MKLN1: variants seen among roughly 807,000 people sequenced by gnomAD.
MKLN1 encodes the protein muskelin 1.
In MKLN1, 18 loss-of-function variants were observed where a neutral mutation model predicts 99.0. The ratio of observed to expected loss-of-function variants is 0.18; its 90% confidence interval spans 0.13 to 0.27. MKLN1 has a LOEUF of 0.27. Among genes scored for constraint, MKLN1 ranks in the 10% least tolerant of loss-of-function variants. MKLN1 has a pLI of 1.00. For missense variants in MKLN1, 621 were observed against 875.9 expected (o/e 0.71, Z 3.67); for synonymous variants, 288 against 293.2 (o/e 0.98, Z 0.18).
At chr7:131,227,272 C>T (rs1327274810) in intron 3 of MKLN1, among the ~76,000 whole-genome samples, 2 of 152,196 alleles carry the variant, frequency 1.3e-5, no homozygotes, top group Non-Finnish European at 2.9e-5. Context: ...AACCACTCCT[C>T]CCTTTAGTTC....
chr7:131,195,767 G>A (rs569620649), intron 2 of MKLN1, among the ~76,000 whole-genome samples: 6 of 151,826 alleles, frequency 4.0e-5, no homozygotes, highest in South Asian at 2.1e-4. Context: ...CCTGGCCAAC[G>A]TGGTGAAACC....
intron 1 of MKLN1, among the ~76,000 whole-genome samples, chr7:131,348,970 A>AT (rs1006019469): frequency 8.6e-5 from 13 of 152,010 alleles, no homozygotes; most frequent in Admixed American, 2.6e-4. Flanking sequence ...TTCTGAAGGT[A>AT]TTTTTTTGAT....
intron 1 of MKLN1, among the ~76,000 whole-genome samples, chr7:131,121,224 A>AG (rs1563221621): frequency 6.6e-6 from 1 of 152,132 alleles, no homozygotes; most frequent in African/African-American, 2.4e-5. Context: ...ATGAACAGCA[A>AG]GGGGGAAATC....
At chr7:131,181,101 T>G (rs1032629190) in intron 2 of MKLN1, among the ~76,000 whole-genome samples, 21 of 152,154 alleles carry the variant, frequency 1.4e-4, no homozygotes, top group Non-Finnish European at 1.5e-5. Context: ...CACCATTATT[T>G]TCCTGCAACT....
intron 2 of MKLN1, among the ~76,000 whole-genome samples, chr7:131,193,248 G>GT (rs1034942909): frequency 1.3e-5 from 2 of 151,930 alleles, no homozygotes; most frequent in Non-Finnish European, 2.9e-5. Flanking sequence ...CAGTTTGCTT[G>GT]TTTTTTTCCT....
At chr7:131,294,201 A>G (rs1284721899) in intron 3 of MKLN1, among the ~76,000 whole-genome samples, 1 of 152,208 alleles carries the variant, frequency 6.6e-6, no homozygotes, top group Admixed American at 6.5e-5. Flanking sequence ...TTATTATTGA[A>G]TCACTGTTAA....
At chr7:131,175,233 A>T (rs1319503217) in intron 2 of MKLN1, among the ~76,000 whole-genome samples, 1 of 151,968 alleles carries the variant, frequency 6.6e-6, no homozygotes, top group Non-Finnish European at 1.5e-5. Context: ...AGAGAGAGAT[A>T]GAATGGATGG....
At chr7:131,361,075 T>C (rs1310605818) in intron 1 of MKLN1, among the ~76,000 whole-genome samples, 1 of 152,052 alleles carries the variant, frequency 6.6e-6, no homozygotes, top group Admixed American at 6.5e-5. Context: ...TCTTTGGTTT[T>C]CTGCAGTTTG....
chr7:131,400,916 A>G (rs1055622572), intron 6 of MKLN1, among the ~76,000 whole-genome samples: 4 of 152,126 alleles, frequency 2.6e-5, no homozygotes, highest in East Asian at 1.9e-4. Context: ...TGTGAATACT[A>G]TGGGCTTTCT....
At chr7:131,168,281 C>G (rs1056953346) in intron 2 of MKLN1, among the ~76,000 whole-genome samples, 5 of 152,096 alleles carry the variant, frequency 3.3e-5, no homozygotes, top group African/African-American at 1.2e-4. Context: ...TCATTAGCCT[C>G]CCATGCCTCA....
intron 17 of MKLN1, among the ~76,000 whole-genome samples, chr7:131,484,791 A>G (rs1357860434): frequency 6.6e-6 from 1 of 152,130 alleles, no homozygotes; most frequent in Non-Finnish European, 1.5e-5. Context: ...GTAGTGGTAC[A>G]TATATAGCAA....
At chr7:131,372,665 A>G (rs1314409172) in intron 1 of MKLN1, among the ~76,000 whole-genome samples, 1 of 151,058 alleles carries the variant, frequency 6.6e-6, no homozygotes, top group Non-Finnish European at 1.5e-5. Context: ...TAGTTTATTT[A>G]CAGCTTGCTC....
chr7:131,133,874 G>C, intron 1 of MKLN1, among the ~76,000 whole-genome samples: 1 of 125,338 alleles, frequency 8.0e-6, no homozygotes, highest in African/African-American at 3.1e-5. Context: ...TTGTCGCCCA[G>C]GCTGGAGCAC....
Position 131,271,256 on chromosome 7 carries a change from G to C in MKLN1, c.-179+68282G>C, listed in dbSNP as rs1797879357. On this transcript the variant is annotated intron_variant, in intron 3 of 7. Coordinates refer to the MKLN1 transcript ENST00000416992. ...GAGGTAGCACTTCACAAAGGAGGTA[G>C]CACTGAGGTCTGAAGGGTGAATAAA... 2.0e-5 allele frequency among the ~76,000 whole-genome samples: 3 copies of C among 152,258 alleles called. No homozygotes were observed. The South Asian group carries it at 6.2e-4, about 32-fold the overall frequency.
At chr7:131,246,218 A>C (rs763709157) in intron 3 of MKLN1, among the ~76,000 whole-genome samples, 12 of 152,230 alleles carry the variant, frequency 7.9e-5, no homozygotes, top group Non-Finnish European at 1.5e-4. Flanking sequence ...AGGCTCCATG[A>C]GGCGGCCCTC....
At chr7:131,334,425 C>T (rs908187614) in intron 1 of MKLN1, among the ~76,000 whole-genome samples, 35 of 152,204 alleles carry the variant, frequency 2.3e-4, no homozygotes, top group Non-Finnish European at 2.8e-4. Context: ...TAAAAACACT[C>T]AAGATGGAAG....
chr7:131,478,616 TAA>T lies in MKLN1; in HGVS notation c.2032-5_2032-4del. ...GCTTCTTTTTTTTTTTTTTTTTTTT[TAA>T]ACAGTTTCAGCTCCTGGCATCAGCT... On this transcript the variant is annotated splice_region_variant and splice_polypyrimidine_tract_variant and intron_variant, in intron 16 of 17. Transcript: ENST00000352689. 1 of 1,411,344 alleles carries T rather than the reference TAA, an allele frequency of 7.1e-7. No individual in the cohort carries two copies. Among genetic ancestry groups the T allele is most frequent in the Non-Finnish European group, 9.2e-7 (1 of 1,084,380 alleles). The allele number at this position is 1,411,344 out of a possible 1,614,324, so 87.4% of individuals were successfully genotyped here. A position where few individuals can be genotyped will look rare whatever the true frequency, so the allele number is the denominator to read the frequency against.
At chr7:131,241,159 C>T (rs1797395544) in intron 3 of MKLN1, among the ~76,000 whole-genome samples, 1 of 151,924 alleles carries the variant, frequency 6.6e-6, no homozygotes, top group South Asian at 2.1e-4. Flanking sequence ...GGGTGGATCA[C>T]TTGAGGCCAG....
chr7:131,324,507 T>C (rs1267258006), upstream of MKLN1: 1 of 152,184 alleles, frequency 6.6e-6, no homozygotes, highest in Non-Finnish European at 1.5e-5. Context: ...CCTGGGAACA[T>C]AGATTCAGGT....
Sources: gnomAD v4.1 joint callset for allele counts (sites outside exome capture counted in the v4.1 genomes callset) on GRCh38, gnomAD v4.1.1 for gene constraint, MANE v1.5 for transcripts, NCBI Gene and HGNC (gene_info 2026-07-23, HGNC 2026-07-21) for gene names.